Variants in GRIK2 observed in about 807,000 individuals in gnomAD.
The protein encoded by GRIK2 is glutamate receptor ionotropic, kainate 2.
In GRIK2, 32 loss-of-function variants were observed where a neutral mutation model predicts 100.3. The observed-to-expected ratio is 0.32, with a 90% CI of 0.24 to 0.43. The LOEUF (loss-of-function observed/expected upper bound fraction) is 0.43. Ranked by LOEUF, GRIK2 falls within the 20% of genes least tolerant of loss-of-function variation. The pLI is 1.00. For synonymous variants in GRIK2, 417 were observed against 389.4 expected, an observed-to-expected ratio of 1.07 and a Z score of -0.83; for missense variants, 843 against 1,114.9, an observed-to-expected ratio of 0.76 and a Z score of 3.47.
chr6:101,610,343 TGCTA>T (rs1210521043), intron 2 of GRIK2, among the ~76,000 whole-genome samples: 1 of 151,802 alleles, frequency 6.6e-6, no homozygotes. Flanking sequence ...AATATTAACT[TGCTA>T]GCCATCTTTT....
chr6:101,504,887 G>A (rs1773943079), intron 2 of GRIK2, among the ~76,000 whole-genome samples: 1 of 152,056 alleles, frequency 6.6e-6, no homozygotes, highest in African/African-American at 2.4e-5. Context: ...CACAATCCTG[G>A]TGAGTTGCAG....
Position 101,636,299 on chromosome 6 carries a change from G to A in GRIK2, c.541+9662G>A, listed in dbSNP as rs1001048895. Among the ~76,000 whole-genome samples, 11 of 152,010 alleles carry A rather than the reference G, an allele frequency of 7.2e-5. 1 individual carries two copies. Among genetic ancestry groups the A allele is most frequent in the Non-Finnish European group, 1.3e-4 (9 of 67,984 alleles). ...TCTCAGTCATAAGTGGGAGTTGAAC[G>A]ATGAGAACACATGGACACAGAGGGG... On this transcript the variant is annotated intron_variant, in intron 4 of 16. Coordinates refer to ENST00000369134, the MANE Select transcript of GRIK2 (RefSeq NM_021956.5).
At chr6:101,925,355 T>C (rs1789819340) in intron 13 of GRIK2, among the ~76,000 whole-genome samples, 1 of 152,072 alleles carries the variant, frequency 6.6e-6, no homozygotes, top group African/African-American at 2.4e-5. Flanking sequence ...GAAAATGAGA[T>C]AATACATGTA....
At chr6:101,902,869 C>T (rs994889852) in intron 12 of GRIK2, among the ~76,000 whole-genome samples, 9 of 151,774 alleles carry the variant, frequency 5.9e-5, no homozygotes, top group Admixed American at 2.6e-4. Context: ...TAGGTTCCCT[C>T]GCGGGTAATA....
At chr6:101,975,797 A>ATCTATCTGTCTG (rs1389282229) in intron 14 of GRIK2, among the ~76,000 whole-genome samples, 88 of 118,638 alleles carry the variant, frequency 7.4e-4, no homozygotes, top group South Asian at 1.1e-3. Context: ...CTGTCTGTCT[A>ATCTATCTGTCTG]TCTATCTATC....
chr6:101,430,840 G>C (rs1436311077), intron 2 of GRIK2: 18 of 310,340 alleles, frequency 5.8e-5, no homozygotes, highest in Non-Finnish European at 8.1e-5. Context: ...GCATAGCACA[G>C]CTTCTCCTTG....
intron 2 of GRIK2, among the ~76,000 whole-genome samples, chr6:101,462,793 T>C (rs541472801): frequency 6.6e-6 from 1 of 152,274 alleles, no homozygotes; most frequent in African/African-American, 2.4e-5. Context: ...CCACATGAGA[T>C]AAACAGATAA....
intron 2 of GRIK2, among the ~76,000 whole-genome samples, chr6:101,621,565 C>G (rs1314587514): frequency 6.6e-6 from 1 of 151,912 alleles, no homozygotes; most frequent in Non-Finnish European, 1.5e-5. Flanking sequence ...ATTGATTATT[C>G]TGGAACTGTT....
chr6:101,721,146 A>G (rs1435670639), intron 7 of GRIK2, among the ~76,000 whole-genome samples: 2 of 152,052 alleles, frequency 1.3e-5, no homozygotes, highest in Non-Finnish European at 2.9e-5. Context: ...ATAGGTACTC[A>G]GGACAGTTTA....
intron 2 of GRIK2, among the ~76,000 whole-genome samples, chr6:101,486,386 T>C (rs908035317): frequency 3.2e-4 from 4 of 12,422 alleles, no homozygotes; most frequent in African/African-American, 7.0e-4. Context: ...CATGAGGGGG[T>C]GGGGCGGGGG....
At chr6:101,731,365 C>T (rs147389370) in intron 7 of GRIK2, among the ~76,000 whole-genome samples, 1 of 151,866 alleles carries the variant, frequency 6.6e-6, no homozygotes, top group Admixed American at 6.6e-5. Flanking sequence ...AATGTATAAA[C>T]AAAGCTTCTG....
At chr6:101,777,917 A>G (rs1195165438) in intron 7 of GRIK2, among the ~76,000 whole-genome samples, 1 of 152,238 alleles carries the variant, frequency 6.6e-6, no homozygotes, top group Non-Finnish European at 1.5e-5. Context: ...AGCTGCTGAC[A>G]GATTTGGTTC....
chr6:102,031,923 C>T (rs1167685923), intron 14 of GRIK2, among the ~76,000 whole-genome samples: 1 of 151,260 alleles, frequency 6.6e-6, no homozygotes, highest in Non-Finnish European at 1.5e-5. Context: ...GAAGACTTTT[C>T]TATTCCAAAA....
chr6:101,975,785 G>GTCTGTCTGTCTATCTA (rs1302353580), intron 14 of GRIK2, among the ~76,000 whole-genome samples: 88 of 100,328 alleles, frequency 8.8e-4, no homozygotes, highest in African/African-American at 2.0e-3. Context: ...CTATCTGTCT[G>GTCTGTCTGTCTATCTA]TCTGTCTGTC....
intron 2 of GRIK2, among the ~76,000 whole-genome samples, chr6:101,540,394 T>G (rs1775927544): frequency 1.3e-5 from 2 of 151,936 alleles, no homozygotes; most frequent in Admixed American, 1.3e-4. Context: ...ACTAAAATTG[T>G]GTATTTGGAC....
At chr6:102,004,611 A>G (rs1289500677) in intron 14 of GRIK2, among the ~76,000 whole-genome samples, 2 of 151,998 alleles carry the variant, frequency 1.3e-5, no homozygotes, top group Admixed American at 1.3e-4. Flanking sequence ...GAGGGTCAGA[A>G]GCAATTCAAT....
chr6:101,620,833 A>C (rs1780120483), intron 2 of GRIK2, among the ~76,000 whole-genome samples: 1 of 152,114 alleles, frequency 6.6e-6, no homozygotes, highest in African/African-American at 2.4e-5. Context: ...ATTCTTTTGG[A>C]GGCAAAGGCC....
chr6:101,886,693 A>G (rs1368703525), intron 11 of GRIK2, among the ~76,000 whole-genome samples: 1 of 151,980 alleles, frequency 6.6e-6, no homozygotes, highest in Non-Finnish European at 1.5e-5. Flanking sequence ...ATTTTATACA[A>G]TAGATCTCTT....
At position 101,579,455 on chromosome 6, in the gene GRIK2, T is replaced by G. The variant is rs192738521; in HGVS notation, c.116-42494T>G. ...TCTTTTATTTCTTTTTTTTCTTTCTTTCTTTCGCTTTCTCTCTTTTTTCTT... is the reference window on the plus strand; with the variant it reads ...TCTTTTATTTCTTTTTTTTCTTTCTGTCTTTCGCTTTCTCTCTTTTTTCTT... On this transcript the variant is annotated intron_variant, in intron 2 of 16. Transcript: ENST00000369134. Among the ~76,000 whole-genome samples, 10 of 152,152 alleles carry G rather than the reference T, an allele frequency of 6.6e-5. No individual in the cohort carries two copies. In the East Asian group the frequency reaches 1.5e-3, roughly 24 times the overall value.
Sources: allele counts gnomAD v4.1 joint callset (sites outside exome capture counted in the v4.1 genomes callset), GRCh38; gene constraint gnomAD v4.1.1; transcripts MANE v1.5; gene names NCBI Gene and HGNC (gene_info 2026-07-23, HGNC 2026-07-21).